The following CCDC102B variants were observed in gnomAD, a reference collection of about 807,000 sequenced individuals.
CCDC102B encodes coiled-coil domain-containing protein 102B.
CCDC102B carries 75 observed loss-of-function variants against 57.4 expected under a neutral mutation model. The observed-to-expected ratio is 1.31, with a 90% CI of 1.08 to 1.58. The LOEUF (loss-of-function observed/expected upper bound fraction) is 1.58. CCDC102B is among the 40% of genes most tolerant of loss of function. CCDC102B has a pLI of 0.00. For synonymous variants in CCDC102B, 206 were observed against 201.9 expected, an observed-to-expected ratio of 1.02 and a Z score of -0.17; for missense variants, 636 against 582.6, an observed-to-expected ratio of 1.09 and a Z score of -0.94.
At chr18:68,729,675 A>G (rs2032769775) in intron 2 of CCDC102B, among the ~76,000 whole-genome samples, 1 of 152,228 alleles carries the variant, frequency 6.6e-6, no homozygotes, top group African/African-American at 2.4e-5. Flanking sequence ...AAAAAAGACA[A>G]ATGAGCAAGC....
chr18:68,991,746 C>G (rs1317744972), intron 6 of CCDC102B, among the ~76,000 whole-genome samples: 1 of 152,166 alleles, frequency 6.6e-6, no homozygotes, highest in African/African-American at 2.4e-5. Context: ...CGTTAAATAT[C>G]ACACTGAGTC....
chr18:68,998,426 T>A (rs116549609), intron 6 of CCDC102B, among the ~76,000 whole-genome samples: 1,450 of 44,632 alleles, frequency 0.032, 24 homozygotes, highest in African/African-American at 0.052. Flanking sequence ...AGTATATATA[T>A]AATATATTAT....
rs71175201 is a variant in CCDC102B at position 68,853,672 on chromosome 18, T to TAAAAAAAAAAAAAAAAAAAAAAAAA, written c.936+7257_936+7281dup. 9.5e-5 allele frequency among the ~76,000 whole-genome samples: 9 copies of TAAAAAAAAAAAAAAAAAAAAAAAAA among 94,652 alleles called. 2 individuals are homozygous for TAAAAAAAAAAAAAAAAAAAAAAAAA. Among genetic ancestry groups the TAAAAAAAAAAAAAAAAAAAAAAAAA allele is most frequent in the South Asian group, 3.9e-4 (1 of 2,594 alleles). 62.1% of individuals were successfully genotyped at this position (94,652 alleles called of 152,430 possible). On this transcript the variant is annotated intron_variant, in intron 4 of 7. Coordinates refer to ENST00000360242, the MANE Select transcript of CCDC102B (RefSeq NM_024781.3). Reference sequence around the variant, plus strand: ...CGAATTTTTCTTTATCCCCAAATTGTAAAAAAAAAAAAAAAAAAAAAAAAA... The same window carrying TAAAAAAAAAAAAAAAAAAAAAAAAA: ...CGAATTTTTCTTTATCCCCAAATTGTAAAAAAAAAAAAAAAAAAAAAAAAAAAAAAAAAAAAAAAAAAAAAAAAAA...
intron 1 of CCDC102B, among the ~76,000 whole-genome samples, chr18:68,821,769 C>T (rs750437378): frequency 2.8e-4 from 43 of 151,898 alleles, no homozygotes; most frequent in Non-Finnish European, 4.7e-4. Context: ...TAATTAGTAA[C>T]TGAAACAAGT....
At chr18:68,950,267 A>G (rs928622215) in intron 6 of CCDC102B, among the ~76,000 whole-genome samples, 1 of 152,106 alleles carries the variant, frequency 6.6e-6, no homozygotes. Context: ...GAATTGGCTG[A>G]AACAGTTATG....
At chr18:68,919,164 A>G (rs543666359) in intron 6 of CCDC102B, among the ~76,000 whole-genome samples, 1 of 152,074 alleles carries the variant, frequency 6.6e-6, no homozygotes, top group South Asian at 2.1e-4. Context: ...TATTAATGTC[A>G]TAATATTAAA....
intron 2 of CCDC102B, among the ~76,000 whole-genome samples, chr18:68,764,852 A>G (rs1487407790): frequency 1.3e-5 from 2 of 151,718 alleles, no homozygotes; most frequent in Non-Finnish European, 2.9e-5. Flanking sequence ...CCTGGGCAAC[A>G]TAATGAGACC....
chr18:69,034,070 T>C (rs1323134368), intron 7 of CCDC102B, among the ~76,000 whole-genome samples: 8 of 152,040 alleles, frequency 5.3e-5, no homozygotes, highest in Admixed American at 5.3e-4. Context: ...GTTGTGGTTT[T>C]TTTAATTACT....
chr18:68,788,289 C>A (rs1360947242), intron 2 of CCDC102B, among the ~76,000 whole-genome samples: 5 of 151,402 alleles, frequency 3.3e-5, no homozygotes, highest in South Asian at 2.1e-4. Flanking sequence ...GTGGTGCTGA[C>A]AAAAATGTAT....
intron 2 of CCDC102B, among the ~76,000 whole-genome samples, chr18:68,760,231 C>G (rs928543622): frequency 6.6e-6 from 1 of 152,012 alleles, no homozygotes; most frequent in African/African-American, 2.4e-5. Context: ...GTAAAGTAGG[C>G]TGGCACAAAT....
intron 7 of CCDC102B, among the ~76,000 whole-genome samples, chr18:69,040,532 A>G (rs2052409454): frequency 6.6e-6 from 1 of 151,844 alleles, no homozygotes; most frequent in Admixed American, 6.6e-5. Flanking sequence ...AGATCAAGCA[A>G]TAGGATTATT....
chr18:69,018,095 A>G (rs2062828294), intron 7 of CCDC102B, among the ~76,000 whole-genome samples: 1 of 152,090 alleles, frequency 6.6e-6, no homozygotes, highest in African/African-American at 2.4e-5. Flanking sequence ...GTATCTCACA[A>G]TTTATCCATT....
rs528921052 is a variant in CCDC102B, at chr18:68,818,245, G to A, written c.-15-18504G>A. On this transcript the variant is annotated intron_variant, in intron 1 of 7. Coordinates refer to ENST00000360242, the MANE Select transcript of CCDC102B (RefSeq NM_024781.3). The stretch of plus-strand genomic sequence containing the variant: ...GGTCTGTACTTCAATGGGAGAACAC[G>A]TTACTATGTTGTGATAGTATTCTGT... Among the ~76,000 whole-genome samples, 5 of 152,058 alleles carry A rather than the reference G, an allele frequency of 3.3e-5. No homozygotes were observed. In the East Asian group the frequency reaches 5.8e-4, roughly 18 times the overall value.
intron 2 of CCDC102B, among the ~76,000 whole-genome samples, chr18:68,782,966 T>C (rs2035056594): frequency 6.6e-6 from 1 of 152,198 alleles, no homozygotes; most frequent in Non-Finnish European, 1.5e-5. Context: ...TTACTATTGT[T>C]ATTATACCTG....
At chr18:68,769,157 G>A (rs1320837548) in intron 2 of CCDC102B, among the ~76,000 whole-genome samples, 1 of 151,920 alleles carries the variant, frequency 6.6e-6, no homozygotes, top group Non-Finnish European at 1.5e-5. Flanking sequence ...AGAGGCTGAG[G>A]CAGGAGAATG....
intron 1 of CCDC102B, among the ~76,000 whole-genome samples, chr18:68,836,367 C>T (rs1202491198): frequency 2.6e-5 from 4 of 152,046 alleles, no homozygotes; most frequent in Admixed American, 6.5e-5. Flanking sequence ...TGGTGGCTCA[C>T]GCCTGTAATC....
intron 6 of CCDC102B, among the ~76,000 whole-genome samples, chr18:69,000,896 T>C (rs931147398): frequency 6.6e-6 from 1 of 152,094 alleles, no homozygotes; most frequent in Non-Finnish European, 1.5e-5. Context: ...TTTCATACTG[T>C]AGGATCTTAA....
intron 2 of CCDC102B, among the ~76,000 whole-genome samples, chr18:68,792,771 A>G (rs1032334785): frequency 2.6e-5 from 4 of 152,124 alleles, no homozygotes; most frequent in Non-Finnish European, 5.9e-5. Flanking sequence ...TGCATGTTAG[A>G]TATTGTAGAT....
chr18:68,789,166 C>T (rs2035331941), intron 2 of CCDC102B, among the ~76,000 whole-genome samples: 1 of 152,318 alleles, frequency 6.6e-6, no homozygotes, highest in South Asian at 2.1e-4. Context: ...CCCCCACTCT[C>T]TTCTGGCTTG....
Sources: allele counts gnomAD v4.1 joint callset (sites outside exome capture counted in the v4.1 genomes callset), GRCh38; gene constraint gnomAD v4.1.1; transcripts MANE v1.5; gene names NCBI Gene and HGNC (gene_info 2026-07-23, HGNC 2026-07-21).